Variants in KMT2C observed in about 807,000 individuals in gnomAD.
The protein encoded by KMT2C is lysine methyltransferase 2C.
In KMT2C, 88 loss-of-function variants were observed where a neutral mutation model predicts 507.9. The observed-to-expected ratio is 0.17, with a 90% CI of 0.15 to 0.21. The LOEUF (loss-of-function observed/expected upper bound fraction) is 0.21, where lower values mean the gene tolerates loss of function less well. Ranked by LOEUF, KMT2C falls within the 10% of genes least tolerant of loss-of-function variation. The probability of loss-of-function intolerance (pLI) is 1.00; values close to 1 mark genes in which losing one functional copy is unlikely to be tolerated. For missense variants in KMT2C, 4,954 were observed against 5,957.8 expected (o/e 0.83, Z 5.55); for synonymous variants, 2,049 against 2,080.8 (o/e 0.98, Z 0.42).
Position 152,149,113 on chromosome 7 carries a change from T to C in KMT2C, c.12814A>G (p.Thr4272Ala). The C allele has an allele frequency of 6.7e-7, 1 of 1,495,530 alleles. No homozygotes were observed. The highest frequency in any genetic ancestry group is 8.9e-7 in the Non-Finnish European group (1 of 1,124,432). The allele number at this position is 1,495,530 out of a possible 1,614,324, so 92.6% of individuals were successfully genotyped here. A position where few individuals can be genotyped will look rare whatever the true frequency, so the allele number is the denominator to read the frequency against. ...TACTGATGAAATGCTTTGGAAGGCG[T>C]TTCTCTCATAGGTGATTGTGGCAAT... is the stretch of plus-strand genomic sequence containing the variant. The part of the protein sequence containing the change: ...PSLPQSPMRE[T>A]PSKAFHQYSN... Residue 4272 changes from threonine (T) to alanine (A), a missense_variant, in exon 52 of 59, where the codon ACG (threonine) becomes GCG (alanine). By Grantham distance (58) the Thr-to-Ala change is moderately conservative (BLOSUM62 0). Coordinates refer to ENST00000262189, the MANE Select transcript of KMT2C (RefSeq NM_170606.3).
Position 152,181,475 on chromosome 7 carries a change from C to T in KMT2C, c.6385G>A (p.Asp2129Asn), listed in dbSNP as rs769422754. The change falls in exon 36 of 59, where the codon GAC (aspartate) becomes AAC (asparagine). Residue 2129 changes from aspartate (D) to asparagine (N), a missense_variant. Physicochemically the swap from Asp to Asn is conservative, Grantham distance 23. Transcript: ENST00000262189. ...GTTCCTGGGGGTTGGGAGTATGGGT[C>T]CTGAGATGTTGGCCTTGATATGGTT... ...PGTISRPTSQDPYSQPPGTPR... is the reference protein window; with the variant it reads ...PGTISRPTSQNPYSQPPGTPR... 2 of 1,613,834 alleles carry T rather than the reference C, an allele frequency of 1.2e-6. No individual in the cohort carries two copies. The highest frequency in any genetic ancestry group is 1.6e-4 in the Middle Eastern group (1 of 6,062).
intron 23 of KMT2C, among the ~76,000 whole-genome samples, chr7:152,217,488 CCTGGCACGTAAATGAACATGAGGGA>C (rs2094614509): frequency 6.6e-6 from 1 of 152,116 alleles, no homozygotes; most frequent in African/African-American, 2.4e-5. Context: ...GATGTGAGAT[CCTGGCACGTAAATGAACATGAGGGA>C]CTAGTCATGA....
chr7:152,367,232 T>C (rs982030627), intron 1 of KMT2C: 12 of 1,463,286 alleles, frequency 8.2e-6, no homozygotes, highest in African/African-American at 2.8e-5. Flanking sequence ...TGTTTTGATG[T>C]TGACAGCACG....
At position 152,167,133 on chromosome 7, in the gene KMT2C, A is replaced by G. The variant is rs781710521; in HGVS notation, c.9750+13T>C. 1 of 1,601,184 alleles carries G rather than the reference A, an allele frequency of 6.2e-7. No homozygotes were observed. The highest frequency in any genetic ancestry group is 8.6e-7 in the Non-Finnish European group (1 of 1,169,218). On this transcript the variant is annotated intron_variant, in intron 42 of 58. Transcript: ENST00000262189. ...ATTGTTGGTAGTTTCTATTTTGCAA[A>G]CCTATTTATTACCTGTTCTAGCTGT... is the stretch of plus-strand genomic sequence containing the variant.
intron 1 of KMT2C, among the ~76,000 whole-genome samples, chr7:152,375,762 A>G (rs570482137): frequency 6.6e-6 from 1 of 152,052 alleles, no homozygotes; most frequent in Non-Finnish European, 1.5e-5. Context: ...GTAATCCTCA[A>G]AGTATTTTGA....
intron 1 of KMT2C, among the ~76,000 whole-genome samples, chr7:152,394,013 G>GTGTGAA (rs1408732839): frequency 2.6e-5 from 4 of 152,062 alleles, no homozygotes; most frequent in Admixed American, 6.6e-5. Context: ...ATTGAACCTG[G>GTGTGAA]TGTGAACTAC....
At chr7:152,419,934 T>G (rs1481753465) in intron 1 of KMT2C, among the ~76,000 whole-genome samples, 1 of 152,256 alleles carries the variant, frequency 6.6e-6, no homozygotes, top group Admixed American at 6.5e-5. Flanking sequence ...CTGTTTTCAT[T>G]TTTAAACACT....
chr7:152,149,380 G>A (rs770773483), intron 51 of KMT2C, among the ~76,000 whole-genome samples: 4 of 152,112 alleles, frequency 2.6e-5, no homozygotes, highest in African/African-American at 4.8e-5. Context: ...GCGTCCTTTC[G>A]AGGCCTTTTC....
Position 152,386,930 on chromosome 7 carries a change from C to T in KMT2C, c.162-28255G>A, listed in dbSNP as rs186400161. Reference sequence around the variant, plus strand: ...AAGATCACAAGACCAGTAAGGGCACCAAGATTTCTAACTTAGAGTAGATAC... The same window carrying T: ...AAGATCACAAGACCAGTAAGGGCACTAAGATTTCTAACTTAGAGTAGATAC... On this transcript the variant is annotated intron_variant, in intron 1 of 58. Coordinates refer to ENST00000262189, the MANE Select transcript of KMT2C (RefSeq NM_170606.3). Among the ~76,000 whole-genome samples, 194 of 152,170 alleles carry T rather than the reference C, an allele frequency of 1.3e-3. 1 individual carries two copies. Among genetic ancestry groups the T allele is most frequent in the Middle Eastern group, 0.01 (3 of 294 alleles).
In KMT2C at chr7:152,262,891, G is replaced by A. The variant is rs950860907; in HGVS notation, c.1299+125C>T. On this transcript the variant is annotated intron_variant, in intron 9 of 58. Transcript: ENST00000262189. The stretch of plus-strand genomic sequence containing the variant: ...ACAGTTTATTATATGTCAGTTATAT[G>A]TCAATAAAGCTGTTTTTAAAAAGCT... 19 of 645,944 alleles carry A rather than the reference G, an allele frequency of 2.9e-5. No homozygotes were observed. The African/African-American group carries it at 3.3e-4, about 11-fold the overall frequency. 40.0% of individuals were successfully genotyped at this position (645,944 alleles called of 1,614,324 possible). A position where few individuals can be genotyped will look rare whatever the true frequency, so the allele number is the denominator to read the frequency against.
intron 6 of KMT2C, among the ~76,000 whole-genome samples, chr7:152,302,254 G>T (rs1589042278): frequency 6.6e-6 from 1 of 151,692 alleles, no homozygotes. Context: ...GGTTTTTTTT[G>T]AGATGGAGTT....
chr7:152,255,634 G>C (rs903407484), intron 9 of KMT2C, among the ~76,000 whole-genome samples: 2 of 152,056 alleles, frequency 1.3e-5, no homozygotes, highest in African/African-American at 4.8e-5. Flanking sequence ...TACTACAAAG[G>C]CTCTATAACA....
At position 152,396,619 on chromosome 7, in the gene KMT2C, A is replaced by T. The variant is rs542846158; in HGVS notation, c.162-37944T>A. Among the ~76,000 whole-genome samples the T allele has an allele frequency of 3.3e-5, 5 of 152,368 alleles. No homozygotes were observed. In the East Asian group the frequency reaches 7.7e-4, roughly 23 times the overall value. ...TATGACTTTAGGGATACCAAAAAGA[A>T]AACGACAATTGCTGATTTTCATTCT... On this transcript the variant is annotated intron_variant, in intron 1 of 58. Coordinates refer to ENST00000262189, the MANE Select transcript of KMT2C (RefSeq NM_170606.3).
At chr7:152,290,256 GTGTA>G (rs1374494141) in intron 6 of KMT2C, among the ~76,000 whole-genome samples, 38 of 32,042 alleles carry the variant, frequency 1.2e-3, no homozygotes, top group East Asian at 1.8e-3. Flanking sequence ...GTGTGTGTAT[GTGTA>G]TATATATATA....
chr7:152,137,079 C>T (rs1394313160), intron 58 of KMT2C, 155 bp from the exon 59 acceptor site: 1 of 617,148 alleles, frequency 1.6e-6, no homozygotes, highest in Non-Finnish European at 2.9e-6. Context: ...CTGGGGGAAC[C>T]CTGAAAAGAG....
intron 1 of KMT2C, among the ~76,000 whole-genome samples, chr7:152,375,481 G>A (rs2097322167): frequency 6.6e-6 from 1 of 151,786 alleles, no homozygotes; most frequent in South Asian, 2.1e-4. Context: ...TATCTCCCAG[G>A]TTCAAGCAAT....
Position 152,152,755 on chromosome 7 carries a change from C to T in KMT2C, c.12476G>A (p.Ser4159Asn), listed in dbSNP as rs765571603. 6.2e-7 allele frequency: 1 copy of T among 1,614,172 alleles called. No homozygotes were observed. The highest frequency in any genetic ancestry group is 2.2e-5 in the East Asian group (1 of 44,884). Residue 4159 changes from serine to asparagine, a missense_variant, in exon 49 of 59, where the codon AGC becomes AAC. Coordinates refer to ENST00000262189, the MANE Select transcript of KMT2C (RefSeq NM_170606.3). ...ATTAGGCTGCTTCAGCCGGTAAGAG[C>T]TCACTAATCTGGGAGGGTTTGCAGA... ...PGSANPPRLV[S>N]SYRLKQPNVP...
intron 6 of KMT2C, among the ~76,000 whole-genome samples, chr7:152,276,909 A>G (rs1453120301): frequency 3.3e-5 from 5 of 152,268 alleles, no homozygotes; most frequent in Non-Finnish European, 5.9e-5. Context: ...ACATGTTATA[A>G]TAATATTTTC....
chr7:152,389,336 G>C (rs2097466914), intron 1 of KMT2C, among the ~76,000 whole-genome samples: 2 of 141,820 alleles, frequency 1.4e-5, no homozygotes, highest in African/African-American at 5.4e-5. Context: ...CCTGGTGACA[G>C]AGTGAGACTC....
Sources: allele counts gnomAD v4.1 joint callset (sites outside exome capture counted in the v4.1 genomes callset), GRCh38; gene constraint gnomAD v4.1.1; transcripts MANE v1.5; gene names NCBI Gene and HGNC (gene_info 2026-07-23, HGNC 2026-07-21).